The following ABHD2 variants were observed in gnomAD, a reference collection of about 807,000 sequenced individuals.
ABHD2 encodes the protein abhydrolase domain containing 2, acylglycerol lipase, also known as monoacylglycerol lipase ABHD2.
Under a neutral mutation model 48.1 loss-of-function variants are expected in ABHD2, and 20 were observed. The ratio of observed to expected loss-of-function variants is 0.42; its 90% CI spans 0.29 to 0.60. ABHD2 has a LOEUF of 0.60. Among genes scored for constraint, ABHD2 ranks in the 20% least tolerant of loss-of-function variants. The probability of loss-of-function intolerance (pLI) is 0.24; values close to 1 mark genes in which losing one functional copy is unlikely to be tolerated. For missense variants in ABHD2, 405 were observed against 550.9 expected (o/e 0.74, Z 2.65); for synonymous variants, 209 against 214.2 (o/e 0.98, Z 0.21).
In ABHD2 at chr15:89,185,189, C is replaced by T. The variant is rs905303416; in HGVS notation, c.723-235C>T. On this transcript the variant is annotated intron_variant, in intron 6 of 10. Transcript: ENST00000352732. The surrounding 1 kb of genome is among the most constrained non-coding windows in gnomAD (Gnocchi z 5.9). ...GGGGTGCCACCAACAAAGCCTCTGG[C>T]GCTAGAGAGGGCCTTTGCCGGGGTC... 3.3e-5 allele frequency among the ~76,000 whole-genome samples: 5 copies of T among 152,156 alleles called. No individual in the cohort carries two copies. The highest frequency in any genetic ancestry group is 2.1e-4 in the South Asian group (1 of 4,820).
At chr15:89,082,058 C>G in the ABHD2 span, among the ~76,000 whole-genome samples, 1 of 152,116 alleles carries the variant, frequency 6.6e-6, no homozygotes, top group Admixed American at 6.5e-5. The surrounding 1 kb of genome is among the most constrained non-coding windows in gnomAD (Gnocchi z 4.4). Flanking sequence ...TTAGCAGCAT[C>G]TCTAGCCCCT....
intron 9 of ABHD2, 52 bp downstream of exon 9, chr15:89,191,201 C>T: frequency 6.4e-7 from 1 of 1,561,114 alleles, no homozygotes; most frequent in East Asian, 2.2e-5. Context: ...CAGCCTCGCA[C>T]ACAATACGAC....
rs1427772163 is a variant in ABHD2 at position 89,184,587 on chromosome 15, G to A, written c.723-837G>A. ...ATGGCTGGTGGGAGTGAGCCCACTG[G>A]TGTTTGTTCACCTGCTGTGTGGTCA... is the stretch of plus-strand genomic sequence containing the variant. On this transcript the variant is annotated intron_variant, in intron 6 of 10. Transcript: ENST00000352732. The surrounding 1 kb of genome is among the most constrained non-coding windows in gnomAD (Gnocchi z 5.1). Among the ~76,000 whole-genome samples, 2 of 152,238 alleles carry A rather than the reference G, an allele frequency of 1.3e-5. No homozygotes were observed. The highest frequency in any genetic ancestry group is 1.9e-4 in the East Asian group (1 of 5,198).
At position 89,177,453 on chromosome 15, in the gene ABHD2, C is replaced by T. The variant is rs1253508426; in HGVS notation, c.722+1458C>T. Among the ~76,000 whole-genome samples the T allele has an allele frequency of 6.6e-6, 1 of 152,164 alleles. No homozygotes were observed. The highest frequency in any genetic ancestry group is 6.5e-5 in the Admixed American group (1 of 15,268). ...AGAAAGAAATTCTGTTTCTTGGGCCCCACCCTTGGAGATTTTGATTCATGA... is the reference window on the plus strand; with the variant it reads ...AGAAAGAAATTCTGTTTCTTGGGCCTCACCCTTGGAGATTTTGATTCATGA... On this transcript the variant is annotated intron_variant, in intron 6 of 10. Coordinates refer to ENST00000352732, the MANE Select transcript of ABHD2 (RefSeq NM_152924.5). This position sits in a 1 kb window ranked among gnomAD's most constrained non-coding sequence, Gnocchi z 5.6.
At chr15:89,162,982 CT>C (rs996010418) in intron 5 of ABHD2, among the ~76,000 whole-genome samples, 9 of 152,178 alleles carry the variant, frequency 5.9e-5, no homozygotes, top group Non-Finnish European at 1.0e-4. Context: ...TAAAATGATA[CT>C]TTACAAACTA....
At chr15:89,055,385 G>C in the ABHD2 span, among the ~76,000 whole-genome samples, 6 of 146,894 alleles carry the variant, frequency 4.1e-5, no homozygotes, top group African/African-American at 1.5e-4. Context: ...GGAGTGCAGT[G>C]GCACGATCTC....
At chr15:89,055,896 C>G in the ABHD2 span, among the ~76,000 whole-genome samples, 5 of 151,942 alleles carry the variant, frequency 3.3e-5, no homozygotes, top group East Asian at 9.8e-4. Flanking sequence ...CTGGGTCTCA[C>G]TCTGTCATCC....
At chr15:89,049,542 C>T in the ABHD2 span, among the ~76,000 whole-genome samples, 2 of 152,266 alleles carry the variant, frequency 1.3e-5, no homozygotes. Flanking sequence ...ATCAGTGAGA[C>T]TCCGTGGGCG....
At position 89,089,917 on chromosome 15, in the gene ABHD2, A is replaced by G. The variant is rs117109510; in HGVS notation, c.-107+1354A>G. 6.8e-3 allele frequency among the ~76,000 whole-genome samples: 1,030 copies of G among 152,276 alleles called. 5 individuals carry two copies. Among genetic ancestry groups the G allele is most frequent in the Non-Finnish European group, 0.011 (733 of 68,010 alleles). On this transcript the variant is annotated intron_variant, in intron 1 of 10. Coordinates refer to ENST00000352732, the MANE Select transcript of ABHD2 (RefSeq NM_152924.5). ...ACTGTGACATTTTAGAGCTGAAGGC[A>G]CCTTAGATAGAGCTCATCTCTATCT...
chr15:89,084,138 C>A (rs895143642), upstream of ABHD2, among the ~76,000 whole-genome samples: 2 of 151,560 alleles, frequency 1.3e-5, no homozygotes, highest in African/African-American at 4.9e-5. This position sits in a 1 kb window ranked among gnomAD's most constrained non-coding sequence, Gnocchi z 4.4. Flanking sequence ...TAACTCGGTC[C>A]TCAAACCGTT....
At chr15:89,118,612 A>G (rs2049999514) in intron 3 of ABHD2, among the ~76,000 whole-genome samples, 1 of 152,102 alleles carries the variant, frequency 6.6e-6, no homozygotes, top group African/African-American at 2.4e-5. Context: ...TTGAAAACCA[A>G]AGTATTTAAA....
At position 89,174,657 on chromosome 15, in the gene ABHD2, G is replaced by A. The variant is rs536136277; in HGVS notation, c.539-1155G>A. ...GCTGGTGCCAAAGTCAACAACTCCC[G>A]TTTCCATTGTAAATCCGTACTCTTC... On this transcript the variant is annotated intron_variant, in intron 5 of 10. Transcript: ENST00000352732. This position sits in a 1 kb window ranked among gnomAD's most constrained non-coding sequence, Gnocchi z 4.1. Among the ~76,000 whole-genome samples, 8 of 152,260 alleles carry A rather than the reference G, an allele frequency of 5.3e-5. No homozygotes were observed. Among genetic ancestry groups the A allele is most frequent in the South Asian group, 2.1e-4 (1 of 4,820 alleles).
chr15:89,192,200 T>TA (rs2051317750), intron 9 of ABHD2, among the ~76,000 whole-genome samples: 1 of 152,242 alleles, frequency 6.6e-6, no homozygotes, highest in African/African-American at 2.4e-5. Flanking sequence ...ACTGTAGTTG[T>TA]GCTGTCTTAT....
chr15:89,127,706 C>CATACATATATATATATATATAT (rs58331064), intron 3 of ABHD2, among the ~76,000 whole-genome samples: 4 of 129,914 alleles, frequency 3.1e-5, no homozygotes, highest in African/African-American at 1.1e-4. Context: ...TATATATATA[C>CATACATATATATATATATATAT]ATATATATAT....
chr15:89,146,334 C>T lies in ABHD2; in HGVS notation c.195-5343C>T, dbSNP rs553681578. Among the ~76,000 whole-genome samples the T allele has an allele frequency of 7.1e-6, 1 of 140,702 alleles. No homozygotes were observed. The highest frequency in any genetic ancestry group is 2.1e-4 in the East Asian group (1 of 4,744). The allele number at this position is 140,702 out of a possible 152,430, so 92.3% of individuals were successfully genotyped here. ...CACCAGCTGTCCGTGCCTATGTGAGCTTCATCTGCTCAAAGACGTACGTGT... is the reference window on the plus strand; with the variant it reads ...CACCAGCTGTCCGTGCCTATGTGAGTTTCATCTGCTCAAAGACGTACGTGT... On this transcript the variant is annotated intron_variant, in intron 3 of 10. Transcript: ENST00000352732. The surrounding 1 kb of genome is among the most constrained non-coding windows in gnomAD (Gnocchi z 4.2).
the ABHD2 span, among the ~76,000 whole-genome samples, chr15:89,064,420 G>A: frequency 6.6e-6 from 1 of 151,906 alleles, no homozygotes; most frequent in African/African-American, 2.4e-5. Flanking sequence ...AGTAGAGACG[G>A]GGTTTCACCG....
At chr15:89,187,645 G>GA (rs570733316) in intron 7 of ABHD2, among the ~76,000 whole-genome samples, 6 of 148,596 alleles carry the variant, frequency 4.0e-5, no homozygotes, top group Admixed American at 6.7e-5. Flanking sequence ...TGGGGGTTGG[G>GA]AAAAAAAAAA....
At position 89,177,218 on chromosome 15, in the gene ABHD2, C is replaced by G. The variant is rs1309164826; in HGVS notation, c.722+1223C>G. 1.3e-5 allele frequency among the ~76,000 whole-genome samples: 2 copies of G among 152,220 alleles called. No individual in the cohort carries two copies. Among genetic ancestry groups the G allele is most frequent in the Non-Finnish European group, 2.9e-5 (2 of 68,040 alleles). On this transcript the variant is annotated intron_variant, in intron 6 of 10. Transcript: ENST00000352732. The surrounding 1 kb of genome is among the most constrained non-coding windows in gnomAD (Gnocchi z 5.6). ...ATGATAAGCAGTACCTACCTCATAG[C>G]ACCGCTGAGAGTCAAATGAGTTGAT...
chr15:89,096,959 G>A (rs2049622722), intron 1 of ABHD2, among the ~76,000 whole-genome samples: 2 of 152,214 alleles, frequency 1.3e-5, no homozygotes, highest in African/African-American at 4.8e-5. Context: ...TGCAGTAGCT[G>A]GCAGCAGCCT....
Sources: gnomAD v4.1 joint callset for allele counts (sites outside exome capture counted in the v4.1 genomes callset) on GRCh38, gnomAD v4.1.1 for gene constraint, Gnocchi (gnomAD v3.1) non-coding constraint, MANE v1.5 for transcripts, NCBI Gene and HGNC (gene_info 2026-07-23, HGNC 2026-07-21) for gene names.